QRFPR: variants seen among roughly 807,000 people sequenced by gnomAD.
QRFPR encodes pyroglutamylated RFamide peptide receptor, also known as pyroglutamylated RF-amide peptide receptor.
A neutral mutation model predicts 31.3 loss-of-function variants in QRFPR; 37 were observed. The ratio of observed to expected loss-of-function variants is 1.18; its 90% confidence interval spans 0.91 to 1.56. The LOEUF (loss-of-function observed/expected upper bound fraction) is 1.56. Ranked by LOEUF, QRFPR falls within the 40% of genes most tolerant of loss-of-function variation. QRFPR has a pLI of 0.00. For missense variants in QRFPR, 542 were observed against 532.5 expected (o/e 1.02, Z -0.18); for synonymous variants, 197 against 192.0 (o/e 1.03, Z -0.22).
chr4:121,347,546 C>T (rs1289348390), intron 1 of QRFPR, among the ~76,000 whole-genome samples: 2 of 152,104 alleles, frequency 1.3e-5, no homozygotes, highest in Admixed American at 6.5e-5. Context: ...ATTTCTTAAA[C>T]TCTAGCATGT....
intron 1 of QRFPR, among the ~76,000 whole-genome samples, chr4:121,347,262 T>C (rs964807711): frequency 1.3e-5 from 2 of 152,168 alleles, no homozygotes; most frequent in Non-Finnish European, 1.5e-5. Flanking sequence ...TCAGAAGGGC[T>C]ACAATAAAAA....
At chr4:121,380,227 G>A (rs527817415) in intron 1 of QRFPR, 81 bp downstream of exon 1, 1 of 950,276 alleles carries the variant, frequency 1.1e-6, no homozygotes, top group South Asian at 1.5e-5. Flanking sequence ...GAGAGAGAGA[G>A]AGAGAGAGAG....
chr4:121,362,170 T>G (rs1726006251), intron 1 of QRFPR, among the ~76,000 whole-genome samples: 1 of 150,042 alleles, frequency 6.7e-6, no homozygotes, highest in East Asian at 2.0e-4. Context: ...GTTAGAGATT[T>G]TCTTAAGGTT....
At chr4:121,346,882 A>C (rs1044655992) in intron 1 of QRFPR, among the ~76,000 whole-genome samples, 1 of 152,174 alleles carries the variant, frequency 6.6e-6, no homozygotes, top group African/African-American at 2.4e-5. Flanking sequence ...ATCCTACTTC[A>C]TCATGATGTA....
chr4:121,337,710 T>G (rs1725461111), intron 2 of QRFPR, among the ~76,000 whole-genome samples: 1 of 151,658 alleles, frequency 6.6e-6, no homozygotes, highest in African/African-American at 2.4e-5. Context: ...ACCCTAAAAC[T>G]TAAAGTATAA....
At chr4:121,352,356 G>C (rs1197373890) in intron 1 of QRFPR, among the ~76,000 whole-genome samples, 1 of 151,972 alleles carries the variant, frequency 6.6e-6, no homozygotes, top group African/African-American at 2.4e-5. Context: ...ACTTATGATT[G>C]TCACTTTGGC....
Position 121,380,470 on chromosome 4 carries a change from G to A in QRFPR, c.178C>T (p.Leu60Phe), listed in dbSNP as rs957443397. Residue 60 changes from leucine (L) to phenylalanine (F), a missense_variant, in exon 1 of 6, where the codon CTC becomes TTC. Leu to Phe is a conservative substitution (Grantham distance 22). Transcript: ENST00000394427. ...TAGAACACCAGAGCATTGCCAAAGAGCGCCAGGGCGAAGATGAGCACGCCG... is the reference window on the plus strand; with the variant it reads ...TAGAACACCAGAGCATTGCCAAAGAACGCCAGGGCGAAGATGAGCACGCCG... ...LTGVLIFALA[L>F]FGNALVFYVV... 7 of 1,614,276 alleles carry A rather than the reference G, an allele frequency of 4.3e-6. No homozygotes were observed. Among genetic ancestry groups the A allele is most frequent in the Non-Finnish European group, 5.9e-6 (7 of 1,180,050 alleles).
In QRFPR at chr4:121,330,539, A is replaced by G. The variant is rs750484387; in HGVS notation, c.798-16T>C. 37 of 1,594,596 alleles carry G rather than the reference A, an allele frequency of 2.3e-5. No individual in the cohort carries two copies. The highest frequency in any genetic ancestry group is 3.0e-5 in the Non-Finnish European group (35 of 1,162,510). On this transcript the variant is annotated splice_polypyrimidine_tract_variant and intron_variant, in intron 4 of 5. Coordinates refer to ENST00000394427, the MANE Select transcript of QRFPR (RefSeq NM_198179.3). Reference sequence around the variant, plus strand: ...TTTCTTCTTCCTAAACCCACAAGGAAACATTGTATTAGTTAACTTCTCCTT... The same window carrying G: ...TTTCTTCTTCCTAAACCCACAAGGAGACATTGTATTAGTTAACTTCTCCTT...
chr4:121,369,817 G>A, intron 1 of QRFPR: 2 of 1,286,332 alleles, frequency 1.6e-6, no homozygotes, highest in South Asian at 1.2e-5. Context: ...GAGAAGTGGT[G>A]CTTGGGGTGG....
At chr4:121,343,529 A>G (rs1288427101) in intron 1 of QRFPR, among the ~76,000 whole-genome samples, 2 of 152,208 alleles carry the variant, frequency 1.3e-5, no homozygotes, top group African/African-American at 4.8e-5. Context: ...CAATGTTAAT[A>G]AAGTCCACTG....
intron 1 of QRFPR, among the ~76,000 whole-genome samples, chr4:121,354,317 G>C (rs1248077902): frequency 2.0e-5 from 3 of 151,848 alleles, no homozygotes; most frequent in African/African-American, 7.2e-5. Flanking sequence ...ACACTTAATA[G>C]TATTGATTCT....
intron 1 of QRFPR, 85 bp downstream of exon 1, chr4:121,380,223 G>GAGAGAGAGAGAGAGAGAT: frequency 1.2e-6 from 1 of 867,186 alleles, no homozygotes; most frequent in Non-Finnish European, 1.8e-6. Flanking sequence ...GAGAGAGAGA[G>GAGAGAGAGAGAGAGAGAT]AGAGAGAGAG....
At chr4:121,380,177 G>T (rs1726446556) in intron 1 of QRFPR, 131 bp downstream of exon 1, 2 of 641,558 alleles carry the variant, frequency 3.1e-6, no homozygotes, top group African/African-American at 2.0e-5. Flanking sequence ...GAGACAGACA[G>T]ACGAGAGAGG....
In QRFPR at chr4:121,333,021, G is replaced by A. The variant is rs759592563; in HGVS notation, c.597C>T (p.Ile199=). ...KYDFLYEKEH[I]CCLEEWTSPV... is the part of the protein sequence containing the mutation. ...GGCTGGTCCACTCTTCTAAGCAGCA[G>A]ATGTGTTCCTTTTCATATAGGAAGT... Residue 199 remains isoleucine (I), a synonymous_variant, in exon 4 of 6, where the codon ATC becomes ATT. Coordinates refer to ENST00000394427, the MANE Select transcript of QRFPR (RefSeq NM_198179.3). The A allele has an allele frequency of 1.9e-6, 3 of 1,613,522 alleles. No individual in the cohort carries two copies. Among genetic ancestry groups the A allele is most frequent in the Admixed American group, 1.7e-5 (1 of 60,006 alleles).
At chr4:121,366,959 G>T (rs1294867457) in intron 1 of QRFPR, among the ~76,000 whole-genome samples, 3 of 150,004 alleles carry the variant, frequency 2.0e-5, no homozygotes, top group Admixed American at 1.3e-4. Flanking sequence ...AGCATCACAG[G>T]AAAGTCAAAG....
In QRFPR at chr4:121,363,543, C is replaced by A. The variant is rs1249014633; in HGVS notation, c.340+16765G>T. The stretch of plus-strand genomic sequence containing the variant: ...TTTCCAATTGAACCATACTGGACCC[C>A]AAATCTAGGCCAACAAGGTTCCTTC... On this transcript the variant is annotated intron_variant, in intron 1 of 5. Coordinates refer to ENST00000394427, the MANE Select transcript of QRFPR (RefSeq NM_198179.3). Among the ~76,000 whole-genome samples the A allele has an allele frequency of 2.7e-5, 4 of 149,680 alleles. No individual in the cohort carries two copies. In the South Asian group the frequency reaches 6.3e-4, roughly 24 times the overall value.
rs111355042 is a variant in QRFPR, at chr4:121,368,725, G to T, written c.340+11583C>A. 3.0e-5 allele frequency among the ~76,000 whole-genome samples: 4 copies of T among 134,174 alleles called. 1 individual carries two copies. 88.0% of individuals were successfully genotyped at this position (134,174 alleles called of 152,430 possible). A position where few individuals can be genotyped will look rare whatever the true frequency, so the allele number is the denominator to read the frequency against. ...GCCAGAGTCGTCTCAGCCAGTCAGT[G>T]AGCACCTCTACGCCATGATTTGTCA... On this transcript the variant is annotated intron_variant, in intron 1 of 5. Coordinates refer to ENST00000394427, the MANE Select transcript of QRFPR (RefSeq NM_198179.3).
In QRFPR at chr4:121,380,632, T is replaced by C. The variant is rs1376948458; in HGVS notation, c.16A>G (p.Ile6Val). The change falls in exon 1 of 6, where the codon ATT (isoleucine) becomes GTT (valine). Residue 6 changes from isoleucine to valine, a missense_variant. Ile to Val is a conservative substitution (Grantham distance 29). Coordinates refer to ENST00000394427, the MANE Select transcript of QRFPR (RefSeq NM_198179.3). MQALN[I>V]TPEQFSRLLR... is the part of the protein sequence containing the mutation. ...AGCCGAGAGAACTGCTCCGGGGTAA[T>C]GTTAAGCGCCTGCATTGCTGTGCGC... 3.2e-6 allele frequency: 5 copies of C among 1,569,874 alleles called. No homozygotes were observed. The highest frequency in any genetic ancestry group is 4.3e-6 in the Non-Finnish European group (5 of 1,154,256).
intron 1 of QRFPR, among the ~76,000 whole-genome samples, chr4:121,351,281 T>G (rs1403937965): frequency 6.6e-6 from 1 of 152,192 alleles, no homozygotes; most frequent in Non-Finnish European, 1.5e-5. Context: ...CTTTTAGGTT[T>G]TACTTTGTGG....
Sources: gnomAD v4.1 joint callset for allele counts (sites outside exome capture counted in the v4.1 genomes callset) on GRCh38, gnomAD v4.1.1 for gene constraint, MANE v1.5 for transcripts, NCBI Gene and HGNC (gene_info 2026-07-23, HGNC 2026-07-21) for gene names.